The following ITPK1 variants were observed in gnomAD, a reference collection of about 807,000 sequenced individuals.
ITPK1 encodes the protein inositol 1,3,4-trisphosphate 5/6-kinase.
ITPK1 carries 21 observed loss-of-function variants against 45.3 expected under a neutral mutation model. That is an observed-to-expected ratio of 0.46 (90% CI 0.33 to 0.67). The LOEUF (loss-of-function observed/expected upper bound fraction) is 0.67, where lower values mean the gene tolerates loss of function less well. Among genes scored for constraint, ITPK1 ranks in the 30% least tolerant of loss-of-function variants. The pLI is 0.02. For synonymous variants in ITPK1, 258 were observed against 253.6 expected (o/e 1.02, Z -0.16); for missense variants, 474 against 573.5 (o/e 0.83, Z 1.77).
At chr14:93,022,854 AAAAC>A (rs1888540781) in intron 3 of ITPK1, among the ~76,000 whole-genome samples, 1 of 152,092 alleles carries the variant, frequency 6.6e-6, no homozygotes, top group Admixed American at 6.6e-5. Context: ...CAAAAACAAA[AAAAC>A]AAAAACAAAG....
chr14:93,011,417 G>T (rs556603067), intron 4 of ITPK1, among the ~76,000 whole-genome samples: 16 of 152,332 alleles, frequency 1.1e-4, no homozygotes, highest in Admixed American at 3.9e-4. Context: ...TCAGGAGGAT[G>T]GTGGGGTCGG....
chr14:93,010,241 T>C (rs1055559494), intron 4 of ITPK1, among the ~76,000 whole-genome samples: 3 of 152,344 alleles, frequency 2.0e-5, no homozygotes, highest in Non-Finnish European at 4.4e-5. Context: ...GTTTAGATGT[T>C]ATCTTCCAAG....
At chr14:93,044,662 G>A (rs1051672148) in intron 3 of ITPK1, among the ~76,000 whole-genome samples, 10 of 152,192 alleles carry the variant, frequency 6.6e-5, no homozygotes, top group Non-Finnish European at 1.2e-4. Flanking sequence ...ACCCAACCCT[G>A]TGGGGCTGTA....
At chr14:93,084,691 T>C (rs549784705) in intron 2 of ITPK1, among the ~76,000 whole-genome samples, 11 of 152,304 alleles carry the variant, frequency 7.2e-5, no homozygotes, top group African/African-American at 9.6e-5. Flanking sequence ...ACCTGCCACA[T>C]GGGCATTTGG....
chr14:93,055,130 T>C (rs1442029032), intron 3 of ITPK1, among the ~76,000 whole-genome samples: 1 of 152,200 alleles, frequency 6.6e-6, no homozygotes, highest in Non-Finnish European at 1.5e-5. Context: ...GACTCATCCA[T>C]GGTTCATTCT....
chr14:93,063,675 G>C lies in ITPK1; in HGVS notation c.120+12920C>G, dbSNP rs941561888. On this transcript the variant is annotated intron_variant, in intron 3 of 10. Transcript: ENST00000267615. The surrounding 1 kb of genome is among the most constrained non-coding windows in gnomAD (Gnocchi z 4.3). Reference sequence around the variant, plus strand: ...TCACTGGACTCTCACCAGGCAGGCAGTCTTCGGAGCAGAAGAGGCACTGGC... The same window carrying C: ...TCACTGGACTCTCACCAGGCAGGCACTCTTCGGAGCAGAAGAGGCACTGGC... Among the ~76,000 whole-genome samples, 3 of 152,186 alleles carry C rather than the reference G, an allele frequency of 2.0e-5. No homozygotes were observed. Among genetic ancestry groups the C allele is most frequent in the African/African-American group, 7.2e-5 (3 of 41,434 alleles).
Position 93,032,851 on chromosome 14 carries a change from G to A in ITPK1, c.121-16050C>T, listed in dbSNP as rs188848883. On this transcript the variant is annotated intron_variant, in intron 3 of 10. Coordinates refer to ENST00000267615, the MANE Select transcript of ITPK1 (RefSeq NM_014216.6). This position sits in a 1 kb window ranked among gnomAD's most constrained non-coding sequence, Gnocchi z 4.0. ...GCTCTGAGCAGCTGCTCAGGGAATC[G>A]GGTGACAAAGGCCAGCACGGATCGG... Among the ~76,000 whole-genome samples the A allele has an allele frequency of 2.0e-5, 3 of 152,326 alleles. No homozygotes were observed. The highest frequency in any genetic ancestry group is 3.4e-3 in the Middle Eastern group (1 of 294).
intron 2 of ITPK1, among the ~76,000 whole-genome samples, chr14:93,091,350 C>T (rs915098064): frequency 3.9e-5 from 6 of 152,202 alleles, no homozygotes; most frequent in Non-Finnish European, 8.8e-5. Flanking sequence ...CACAGAAGCA[C>T]TTCCAGCTGC....
chr14:93,009,884 GC>G (rs1887805734), intron 4 of ITPK1, among the ~76,000 whole-genome samples: 1 of 152,094 alleles, frequency 6.6e-6, no homozygotes, highest in South Asian at 2.1e-4. Context: ...TGTCACCAAA[GC>G]CCCTCCGAGC....
intron 5 of ITPK1, among the ~76,000 whole-genome samples, chr14:92,988,987 G>A (rs1215564422): frequency 6.6e-6 from 1 of 152,108 alleles, no homozygotes; most frequent in Non-Finnish European, 1.5e-5. Context: ...CAGGGTCTGA[G>A]GCCTTGACTC....
At chr14:93,047,042 G>A (rs1889808554) in intron 3 of ITPK1, among the ~76,000 whole-genome samples, 1 of 152,214 alleles carries the variant, frequency 6.6e-6, no homozygotes, top group South Asian at 2.1e-4. Context: ...CAGGAAAGAG[G>A]GGACCGAACT....
chr14:92,968,866 C>G (rs1299525164), intron 5 of ITPK1, among the ~76,000 whole-genome samples: 1 of 152,234 alleles, frequency 6.6e-6, no homozygotes, highest in African/African-American at 2.4e-5. Flanking sequence ...CCCAGCCACA[C>G]TGCTAGGATG....
chr14:93,033,887 T>G (rs182204930), intron 3 of ITPK1, among the ~76,000 whole-genome samples: 253 of 151,952 alleles, frequency 1.7e-3, no homozygotes, highest in African/African-American at 5.7e-3. Context: ...GCAGGAATGA[T>G]GCAGGGGAGG....
chr14:93,003,663 C>T (rs1326987502), intron 4 of ITPK1, among the ~76,000 whole-genome samples: 3 of 152,254 alleles, frequency 2.0e-5, no homozygotes, highest in Admixed American at 2.0e-4. Flanking sequence ...AAGCCTACCA[C>T]TGGGCTGGGC....
At chr14:93,003,505 G>A (rs759336160) in intron 4 of ITPK1, among the ~76,000 whole-genome samples, 9 of 152,236 alleles carry the variant, frequency 5.9e-5, no homozygotes, top group Non-Finnish European at 1.3e-4. Context: ...AATGTGCCAG[G>A]TGGCCAGGCT....
At chr14:93,110,099 C>T (rs376293823) in intron 2 of ITPK1, among the ~76,000 whole-genome samples, 3 of 152,054 alleles carry the variant, frequency 2.0e-5, no homozygotes, top group South Asian at 2.1e-4. Flanking sequence ...GGGAATGTGT[C>T]GAGGGTCATG....
At chr14:92,985,431 GC>G (rs1277057238) in intron 5 of ITPK1, among the ~76,000 whole-genome samples, 1 of 151,826 alleles carries the variant, frequency 6.6e-6, no homozygotes, top group Non-Finnish European at 1.5e-5. Flanking sequence ...TACTATCTTT[GC>G]AACTCTGTCA....
Position 92,945,299 on chromosome 14 carries a change from C to T in ITPK1, c.901+1032G>A, listed in dbSNP as rs143356682. ...TTGCTGTGGCCGGTGCTGCTGACTG[C>T]GCCTGCGCATGCTCTCAGACGAGCG... On this transcript the variant is annotated intron_variant, in intron 10 of 10. Transcript: ENST00000267615. Among the ~76,000 whole-genome samples, 470 of 152,368 alleles carry T rather than the reference C, an allele frequency of 3.1e-3. 1 individual carries two copies. Among genetic ancestry groups the T allele is most frequent in the African/African-American group, 0.011 (454 of 41,594 alleles).
At chr14:93,020,142 T>C (rs764955746) in intron 3 of ITPK1, among the ~76,000 whole-genome samples, 3 of 152,256 alleles carry the variant, frequency 2.0e-5, no homozygotes, top group Non-Finnish European at 2.9e-5. Context: ...ACTGTTTCCC[T>C]CAGGGACGAA....
Sources: gnomAD v4.1 joint callset for allele counts (sites outside exome capture counted in the v4.1 genomes callset) on GRCh38, gnomAD v4.1.1 for gene constraint, Gnocchi (gnomAD v3.1) non-coding constraint, MANE v1.5 for transcripts, NCBI Gene and HGNC (gene_info 2026-07-23, HGNC 2026-07-21) for gene names.